Variants in ASB13 observed in about 807,000 individuals in gnomAD.
ASB13 encodes ankyrin repeat and SOCS box containing 13.
Under a neutral mutation model 28.8 loss-of-function variants are expected in ASB13, and 33 were observed. The ratio of observed to expected loss-of-function variants is 1.15; its 90% CI spans 0.87 to 1.53. The LOEUF (loss-of-function observed/expected upper bound fraction) is 1.53, where lower values mean the gene tolerates loss of function less well. Among genes scored for constraint, ASB13 ranks in the 40% most tolerant of loss-of-function variants. The probability of loss-of-function intolerance (pLI) is 0.00; values close to 1 mark genes in which losing one functional copy is unlikely to be tolerated. For missense variants in ASB13, 414 were observed against 390.1 expected (o/e 1.06, Z -0.52); for synonymous variants, 182 against 172.9 (o/e 1.05, Z -0.41).
chr10:5,665,934 C>T (rs556288682), intron 1 of ASB13, among the ~76,000 whole-genome samples: 1 of 152,298 alleles, frequency 6.6e-6, no homozygotes, highest in South Asian at 2.1e-4. Context: ...TCTTGGGCTG[C>T]TCGGATTTTG....
At chr10:5,653,299 C>T (rs1835018970) in intron 1 of ASB13, among the ~76,000 whole-genome samples, 1 of 152,258 alleles carries the variant, frequency 6.6e-6, no homozygotes, top group African/African-American at 2.4e-5. Context: ...CCTCCCACCC[C>T]TGCCCCTGCA....
Position 5,651,126 on chromosome 10 carries a change from C to G in ASB13, c.382+87G>C, listed in dbSNP as rs1027086056. Reference sequence around the variant, plus strand: ...CCAAGGGCTCCCAATTCTGTCTACTCTGCTTCCTTCCCTAAGTCCCTTTAA... The same window carrying G: ...CCAAGGGCTCCCAATTCTGTCTACTGTGCTTCCTTCCCTAAGTCCCTTTAA... On this transcript the variant is annotated intron_variant, in intron 3 of 5. Transcript: ENST00000357700. This position sits in a 1 kb window ranked among gnomAD's most constrained non-coding sequence, Gnocchi z 5.1. The G allele has an allele frequency of 2.8e-5, 42 of 1,479,504 alleles. No homozygotes were observed. The highest frequency in any genetic ancestry group is 3.6e-5 in the Non-Finnish European group (40 of 1,104,702). The allele number at this position is 1,479,504 out of a possible 1,614,324, so 91.6% of individuals were successfully genotyped here.
At chr10:5,640,915 C>T (rs117315306) in intron 5 of ASB13, 85 bp from the exon 6 acceptor site, 24,625 of 1,525,146 alleles carry the variant, frequency 0.016, 270 homozygotes, top group Middle Eastern at 0.034. Flanking sequence ...CAGAGGGAAT[C>T]GGAAACGCCT....
intron 4 of ASB13, among the ~76,000 whole-genome samples, chr10:5,647,269 G>A (rs1441234482): frequency 2.6e-5 from 4 of 152,160 alleles, no homozygotes; most frequent in Admixed American, 1.3e-4. Context: ...ATCCTAAACA[G>A]TTTTGTTTTT....
At chr10:5,653,094 TC>T in intron 1 of ASB13, 44 bp from the exon 2 acceptor site, 8 of 1,493,790 alleles carry the variant, frequency 5.4e-6, no homozygotes, top group Non-Finnish European at 7.2e-6. Flanking sequence ...GCCACTTCCA[TC>T]CAGGACAAAT....
In ASB13 at chr10:5,663,902, T is replaced by C. The variant is rs917708698; in HGVS notation, c.43+2607A>G. On this transcript the variant is annotated intron_variant, in intron 1 of 5. Transcript: ENST00000357700. This position sits in a 1 kb window ranked among gnomAD's most constrained non-coding sequence, Gnocchi z 4.9. ...CCCTCTCCCCGCTCTGACACTGAAATCAAGAGCGATAGAGCTGTGTTTCTG... is the reference window on the plus strand; with the variant it reads ...CCCTCTCCCCGCTCTGACACTGAAACCAAGAGCGATAGAGCTGTGTTTCTG... Among the ~76,000 whole-genome samples, 3 of 152,106 alleles carry C rather than the reference T, an allele frequency of 2.0e-5. No homozygotes were observed. The highest frequency in any genetic ancestry group is 7.2e-5 in the African/African-American group (3 of 41,404).
At chr10:5,646,459 C>T (rs17142343) in intron 4 of ASB13, among the ~76,000 whole-genome samples, 3,423 of 152,298 alleles carry the variant, frequency 0.022, 133 homozygotes, top group African/African-American at 0.077. Flanking sequence ...AAACGTCTGG[C>T]GTGTAGGCCT....
rs754140499 is a variant in ASB13 at position 5,666,534 on chromosome 10, C to G, written c.18G>C (p.Ala6=). Residue 6 remains alanine (A), a synonymous_variant, in exon 1 of 6, where the codon GCG becomes GCC. Coordinates refer to ENST00000357700, the MANE Select transcript of ASB13 (RefSeq NM_024701.4). ...CCACGTCGCCCAGGAAGCAGCCGTC[C>G]GCCGCCCGGGGCTCCATGCGGCTCA... is the stretch of plus-strand genomic sequence containing the variant. MEPRA[A]DGCFLGDVGF... The G allele has an allele frequency of 8.0e-7, 1 of 1,255,780 alleles. No individual in the cohort carries two copies. The highest frequency in any genetic ancestry group is 2.5e-5 in the South Asian group (1 of 39,656). 77.8% of individuals were successfully genotyped at this position (1,255,780 alleles called of 1,614,324 possible).
At position 5,644,328 on chromosome 10, in the gene ASB13, T is replaced by C. The variant is rs533382377; in HGVS notation, c.518-2367A>G. 6.6e-6 allele frequency among the ~76,000 whole-genome samples: 1 copy of C among 152,242 alleles called. No homozygotes were observed. The highest frequency in any genetic ancestry group is 1.9e-4 in the East Asian group (1 of 5,184). ...GCGCAACATAGTGAGACCCTAGCTCTACAAAAATTTAAAAATTACCCGGGG... is the reference window on the plus strand; with the variant it reads ...GCGCAACATAGTGAGACCCTAGCTCCACAAAAATTTAAAAATTACCCGGGG... On this transcript the variant is annotated intron_variant, in intron 4 of 5. Transcript: ENST00000357700. The surrounding 1 kb of genome is among the most constrained non-coding windows in gnomAD (Gnocchi z 5.1).
At chr10:5,665,633 A>G (rs1835246473) in intron 1 of ASB13, among the ~76,000 whole-genome samples, 1 of 152,184 alleles carries the variant, frequency 6.6e-6, no homozygotes, top group African/African-American at 2.4e-5. Context: ...GTAAAAACAC[A>G]TGCTTATTAG....
At chr10:5,654,851 C>G (rs1835046567) in intron 1 of ASB13, among the ~76,000 whole-genome samples, 2 of 152,198 alleles carry the variant, frequency 1.3e-5, no homozygotes, top group African/African-American at 2.4e-5. Context: ...AATCTCACCA[C>G]TTTGAGAGGC....
rs1010933763 is a variant in ASB13 at position 5,640,604 on chromosome 10, T to C, written c.*99A>G. The C allele has an allele frequency of 1.7e-5, 25 of 1,477,858 alleles. No homozygotes were observed. The highest frequency in any genetic ancestry group is 3.8e-4 in the Middle Eastern group (2 of 5,318). The allele number at this position is 1,477,858 out of a possible 1,614,324, so 91.5% of individuals were successfully genotyped here. A position where few individuals can be genotyped will look rare whatever the true frequency, so the allele number is the denominator to read the frequency against. ...AGGGACTCGAAGGAGCGTTGTTCTATCTACAGCAATCACGCTGCTTCAGAG... is the reference window on the plus strand; with the variant it reads ...AGGGACTCGAAGGAGCGTTGTTCTACCTACAGCAATCACGCTGCTTCAGAG... On this transcript the variant is annotated 3_prime_UTR_variant, in exon 6 of 6. Transcript: ENST00000357700.
rs906272086 is a variant in ASB13, at chr10:5,655,871, G to A, written c.44-2821C>T. On this transcript the variant is annotated intron_variant, in intron 1 of 5. Transcript: ENST00000357700. This position sits in a 1 kb window ranked among gnomAD's most constrained non-coding sequence, Gnocchi z 6.2. ...TCAGGAGGCCACCTGAGCCGGGAAG[G>A]CGCGTTCCCGACGTGCCTCCATTCA... 1.3e-5 allele frequency among the ~76,000 whole-genome samples: 2 copies of A among 152,218 alleles called. No individual in the cohort carries two copies. The highest frequency in any genetic ancestry group is 6.5e-5 in the Admixed American group (1 of 15,284).
At chr10:5,654,778 G>C (rs1389581472) in intron 1 of ASB13, among the ~76,000 whole-genome samples, 1 of 152,018 alleles carries the variant, frequency 6.6e-6, no homozygotes, top group Non-Finnish European at 1.5e-5. Context: ...CTATCACCTG[G>C]ATCTTCCCCA....
Position 5,641,793 on chromosome 10 carries a change from G to C in ASB13, c.686C>G (p.Ala229Gly), listed in dbSNP as rs759773349. The C allele has an allele frequency of 4.4e-6, 7 of 1,603,630 alleles. No individual in the cohort carries two copies. The East Asian group carries it at 1.6e-4, about 36-fold the overall frequency. Residue 229 changes from alanine (A) to glycine (G), a missense_variant, in exon 5 of 6, where the codon GCC (alanine) becomes GGC (glycine). By Grantham distance (60) the Ala-to-Gly change is moderately conservative (BLOSUM62 0). Transcript: ENST00000357700. This position sits in a 1 kb window ranked among gnomAD's most constrained non-coding sequence, Gnocchi z 8.4. ...ACTTTCGTAGTACTCGAAGCACTTG[G>C]CGGGAGCGCTGCTGCTCCACGTGTA... The part of the protein sequence containing the change: ...SDYTWSSSAP[A>G]KCFEYYEKTP...
rs1325913045 is a variant in ASB13 at position 5,642,655 on chromosome 10, T to TC, written c.518-695_518-694insG. The TC allele has an allele frequency of 2.0e-4, 87 of 444,506 alleles. 1 individual carries two copies. The East Asian group carries it at 5.2e-3, about 26-fold the overall frequency. 27.5% of individuals were successfully genotyped at this position (444,506 alleles called of 1,614,324 possible). ...TAGCTAAATATGGCTGGTTTTGGGT[T>TC]TTTTTTTTTGAGACAGAGTCTCACT... On this transcript the variant is annotated intron_variant, in intron 4 of 5. Coordinates refer to ENST00000357700, the MANE Select transcript of ASB13 (RefSeq NM_024701.4). The surrounding 1 kb of genome is among the most constrained non-coding windows in gnomAD (Gnocchi z 4.1).
chr10:5,662,359 A>T (rs1228615728), intron 1 of ASB13, among the ~76,000 whole-genome samples: 2 of 151,632 alleles, frequency 1.3e-5, no homozygotes, highest in Admixed American at 6.6e-5. Context: ...TCTCTACTAA[A>T]AATACAAAAA....
rs1834977078 is a variant in ASB13, at chr10:5,651,156, A to G, written c.382+57T>C. The G allele has an allele frequency of 1.4e-5, 21 of 1,537,612 alleles. No individual in the cohort carries two copies. Among genetic ancestry groups the G allele is most frequent in the Non-Finnish European group, 1.6e-5 (18 of 1,142,222 alleles). The stretch of plus-strand genomic sequence containing the variant: ...TCCTTCCCTAAGTCCCTTTAATCCC[A>G]GAAAGGAGGAAACTTCCAGAGCCCA... On this transcript the variant is annotated intron_variant, in intron 3 of 5. Coordinates refer to ENST00000357700, the MANE Select transcript of ASB13 (RefSeq NM_024701.4). This position sits in a 1 kb window ranked among gnomAD's most constrained non-coding sequence, Gnocchi z 5.1.
rs1835169397 is a variant in ASB13 at position 5,661,696 on chromosome 10, A to G, written c.43+4813T>C. Among the ~76,000 whole-genome samples, 1 of 151,954 alleles carries G rather than the reference A, an allele frequency of 6.6e-6. No homozygotes were observed. Among genetic ancestry groups the G allele is most frequent in the South Asian group, 2.1e-4 (1 of 4,824 alleles). ...GTATTTTCTGTAGAGACAGGGTTTC[A>G]CCATGTTGCCCAGGCTGGTCTCAAA... is the stretch of plus-strand genomic sequence containing the variant. On this transcript the variant is annotated intron_variant, in intron 1 of 5. Transcript: ENST00000357700. The surrounding 1 kb of genome is among the most constrained non-coding windows in gnomAD (Gnocchi z 4.9).
Sources: gnomAD v4.1 joint callset for allele counts (sites outside exome capture counted in the v4.1 genomes callset) on GRCh38, gnomAD v4.1.1 for gene constraint, Gnocchi (gnomAD v3.1) non-coding constraint, MANE v1.5 for transcripts, NCBI Gene and HGNC (gene_info 2026-07-23, HGNC 2026-07-21) for gene names.